Variants in GALK2 observed in about 807,000 individuals in gnomAD.
The protein encoded by GALK2 is galactokinase 2, also known as N-acetylgalactosamine kinase.
Under a neutral mutation model 52.4 loss-of-function variants are expected in GALK2, and 36 were observed. The ratio of observed to expected loss-of-function variants is 0.69; its 90% CI spans 0.53 to 0.91. GALK2 has a LOEUF of 0.91. GALK2 is among the 40% of genes least tolerant of loss of function. GALK2 has a pLI of 0.00. For missense variants in GALK2, 579 were observed against 559.1 expected, an observed-to-expected ratio of 1.04 and a Z score of -0.36; for synonymous variants, 176 against 199.1, an observed-to-expected ratio of 0.88 and a Z score of 0.98.
chr15:49,206,543 C>G (rs1183120291), intron 2 of GALK2, among the ~76,000 whole-genome samples: 1 of 151,594 alleles, frequency 6.6e-6, no homozygotes, highest in Non-Finnish European at 1.5e-5. Flanking sequence ...TCTTTTGACT[C>G]CTTTGTTAGG....
intron 7 of GALK2, among the ~76,000 whole-genome samples, chr15:49,286,994 T>C (rs1464960761): frequency 6.6e-6 from 1 of 152,168 alleles, no homozygotes; most frequent in African/African-American, 2.4e-5. Context: ...CTCCCAAAGA[T>C]ACAAGAAGAA....
Position 49,247,102 on chromosome 15 carries a change from C to G in GALK2, c.504+7735C>G, listed in dbSNP as rs374308717. 1.6e-4 allele frequency among the ~76,000 whole-genome samples: 24 copies of G among 152,120 alleles called. No homozygotes were observed. In the East Asian group the frequency reaches 4.6e-3, roughly 29 times the overall value. On this transcript the variant is annotated intron_variant, in intron 5 of 9. Transcript: ENST00000560031. ...GAGAAGAGGACATTTGAACAGAGACCTTAGGGAGTGAGCAGCTGAGAAAGA... is the reference window on the plus strand; with the variant it reads ...GAGAAGAGGACATTTGAACAGAGACGTTAGGGAGTGAGCAGCTGAGAAAGA...
At chr15:49,283,782 C>T in intron 7 of GALK2, 64 bp downstream of exon 7, 1 of 1,541,464 alleles carries the variant, frequency 6.5e-7, no homozygotes, top group Non-Finnish European at 8.9e-7. Context: ...TTTCATTGTT[C>T]TCTATTACTT....
Position 49,306,625 on chromosome 15 carries a change from T to C in GALK2, c.968-12979T>C, listed in dbSNP as rs576340731. 9.2e-5 allele frequency among the ~76,000 whole-genome samples: 14 copies of C among 152,322 alleles called. 1 individual carries two copies. The highest frequency in any genetic ancestry group is 6.5e-4 in the Admixed American group (10 of 15,294). On this transcript the variant is annotated intron_variant, in intron 8 of 9. Transcript: ENST00000560031. ...TAGGATAAGAGCTTATTCCCTTTCA[T>C]GTAAAAATACCAGGCCAGGCCAGCC...
In GALK2 at chr15:49,328,811, G is replaced by A; in HGVS notation, c.*652G>A. 1.4e-6 allele frequency: 2 copies of A among 1,409,976 alleles called. No homozygotes were observed. Among genetic ancestry groups the A allele is most frequent in the Non-Finnish European group, 1.8e-6 (2 of 1,082,952 alleles). The allele number at this position is 1,409,976 out of a possible 1,614,324, so 87.3% of individuals were successfully genotyped here. A position where few individuals can be genotyped will look rare whatever the true frequency, so the allele number is the denominator to read the frequency against. ...TTTTGACAAAAGGAGGATACAGGAA[G>A]AAAATTCAGACTCATTTGAATATTT... On this transcript the variant is annotated 3_prime_UTR_variant, in exon 10 of 10. Transcript: ENST00000560031.
chr15:49,295,251 G>C (rs1253211077), intron 8 of GALK2, among the ~76,000 whole-genome samples: 2 of 151,924 alleles, frequency 1.3e-5, no homozygotes, highest in East Asian at 3.9e-4. Context: ...ATGGATAACT[G>C]GGAAAGTTAG....
chr15:49,235,836 CTT>C lies in GALK2; in HGVS notation c.267-12_267-11del, dbSNP rs1365235460. On this transcript the variant is annotated splice_polypyrimidine_tract_variant and intron_variant, in intron 3 of 9. Coordinates refer to ENST00000560031, the MANE Select transcript of GALK2 (RefSeq NM_002044.4). ...CCTACAGATTTTAAATTAATGGTGT[CTT>C]TTGTCTTCGCAGGGACTTCAGTACT... 1.3e-6 allele frequency: 2 copies of C among 1,582,716 alleles called. No homozygotes were observed. The highest frequency in any genetic ancestry group is 1.7e-6 in the Non-Finnish European group (2 of 1,153,274).
chr15:49,210,210 T>C (rs1427328729), intron 2 of GALK2, among the ~76,000 whole-genome samples: 1 of 151,954 alleles, frequency 6.6e-6, no homozygotes, highest in Non-Finnish European at 1.5e-5. Flanking sequence ...ATTTTATTTA[T>C]TTGTGTGTTC....
intron 2 of GALK2, among the ~76,000 whole-genome samples, chr15:49,204,402 G>GA (rs1327062683): frequency 2.6e-5 from 4 of 151,710 alleles, no homozygotes; most frequent in Non-Finnish European, 4.4e-5. Flanking sequence ...ATCATACGAG[G>GA]AATTGCATTG....
downstream of GALK2, among the ~76,000 whole-genome samples, chr15:49,333,528 T>C (rs1463166415): frequency 6.6e-6 from 1 of 152,244 alleles, no homozygotes; most frequent in African/African-American, 2.4e-5. Context: ...TCACCCGGAA[T>C]GGAACCTTGT....
intron 3 of GALK2, among the ~76,000 whole-genome samples, chr15:49,363,851 A>G (rs890801404): frequency 3.3e-5 from 5 of 152,082 alleles, no homozygotes; most frequent in Admixed American, 1.3e-4. Flanking sequence ...TCAAAAGCCT[A>G]TTCTGCATGT....
At chr15:49,243,928 G>A (rs190220299) in intron 5 of GALK2, among the ~76,000 whole-genome samples, 2 of 151,918 alleles carry the variant, frequency 1.3e-5, no homozygotes, top group Non-Finnish European at 2.9e-5. Context: ...TTCAAGACCA[G>A]CCTGGGCAAC....
At chr15:49,215,828 A>T (rs1482970757) in intron 2 of GALK2, among the ~76,000 whole-genome samples, 1 of 152,108 alleles carries the variant, frequency 6.6e-6, no homozygotes, top group Non-Finnish European at 1.5e-5. Context: ...GACAAATTAG[A>T]TATTTATTTG....
At chr15:49,360,114 A>G (rs1352497194) in intron 3 of GALK2, among the ~76,000 whole-genome samples, 1 of 149,382 alleles carries the variant, frequency 6.7e-6, no homozygotes, top group African/African-American at 2.5e-5. Context: ...GGGGAGGGAT[A>G]GCATCAGGAG....
intron 4 of GALK2, among the ~76,000 whole-genome samples, 180 bp from the exon 5 acceptor site, chr15:49,239,041 G>T (rs1201455170): frequency 1.3e-5 from 2 of 152,074 alleles, no homozygotes; most frequent in African/African-American, 2.4e-5. Flanking sequence ...TTACTCTGTG[G>T]CTAAGAGTCA....
At chr15:49,233,220 C>T (rs1010864784) in intron 3 of GALK2, among the ~76,000 whole-genome samples, 20 of 152,172 alleles carry the variant, frequency 1.3e-4, no homozygotes, top group African/African-American at 4.8e-4. Flanking sequence ...AAAGGGGAAG[C>T]AGGCATGTCT....
intron 9 of GALK2, among the ~76,000 whole-genome samples, chr15:49,326,466 G>C (rs1043229547): frequency 4.6e-5 from 7 of 151,938 alleles, no homozygotes; most frequent in Admixed American, 3.3e-4. Context: ...TGGTCAGGCT[G>C]GTCTCAAACT....
chr15:49,276,596 G>A (rs1383484370), intron 5 of GALK2, among the ~76,000 whole-genome samples: 1 of 152,152 alleles, frequency 6.6e-6, no homozygotes, highest in East Asian at 1.9e-4. Flanking sequence ...AATCCTTGGA[G>A]GACATTTTAT....
chr15:49,193,213 G>A (rs1382135460), intron 1 of GALK2, among the ~76,000 whole-genome samples: 1 of 151,928 alleles, frequency 6.6e-6, no homozygotes, highest in Non-Finnish European at 1.5e-5. Context: ...AGCCAGGCTG[G>A]TCTCGAACTC....
Sources: allele counts gnomAD v4.1 joint callset (sites outside exome capture counted in the v4.1 genomes callset), GRCh38; gene constraint gnomAD v4.1.1; transcripts MANE v1.5; gene names NCBI Gene and HGNC (gene_info 2026-07-23, HGNC 2026-07-21).